The following KRIT1 variants were observed in gnomAD, a reference collection of about 807,000 sequenced individuals.
The protein encoded by KRIT1 is krev interaction trapped protein 1.
Under a neutral mutation model 95.8 loss-of-function variants are expected in KRIT1, and 45 were observed. That is an observed-to-expected ratio of 0.47 (90% confidence interval 0.37 to 0.60). The LOEUF (loss-of-function observed/expected upper bound fraction) is 0.60, where lower values mean the gene tolerates loss of function less well. Ranked by LOEUF, KRIT1 falls within the 20% of genes least tolerant of loss-of-function variation. KRIT1 has a pLI of 0.00. For missense variants in KRIT1, 788 were observed against 877.5 expected (o/e 0.90, Z 1.29); for synonymous variants, 282 against 278.8 (o/e 1.01, Z -0.11).
At chr7:92,205,827 A>C (rs1349011928) in intron 17 of KRIT1, 2 of 152,234 alleles carry the variant, frequency 1.3e-5, no homozygotes, top group African/African-American at 4.8e-5. Context: ...AAATGTGTTA[A>C]ATATGCCAAA....
chr7:92,222,030 T>C lies in KRIT1; in HGVS notation c.1435A>G (p.Lys479Glu). ...NLSLQLKPYH[K>E]PLQHVRDWPE... The stretch of plus-strand genomic sequence containing the variant: ...CAGTCACGAACATGTTGCAAGGGTT[T>C]ATGATATGGTTTGAGTTGAAGGCCT... The change falls in exon 14 of 19, where the codon AAA becomes GAA. Residue 479 changes from lysine to glutamate, a missense_variant. Lys to Glu is a moderately conservative substitution (Grantham distance 56). Coordinates refer to ENST00000394505, the MANE Select transcript of KRIT1 (RefSeq NM_194454.3). 4 of 1,613,792 alleles carry C rather than the reference T, an allele frequency of 2.5e-6. No homozygotes were observed. The highest frequency in any genetic ancestry group is 3.4e-6 in the Non-Finnish European group (4 of 1,179,702).
intron 5 of KRIT1, among the ~76,000 whole-genome samples, chr7:92,238,576 TAGATAC>T (rs1427775075): frequency 1.3e-5 from 2 of 152,234 alleles, no homozygotes; most frequent in Non-Finnish European, 2.9e-5. Context: ...ATATAAGTGC[TAGATAC>T]AGAACAACAT....
chr7:92,214,445 A>G (rs1420717624), intron 15 of KRIT1, among the ~76,000 whole-genome samples, 166 bp downstream of exon 15: 1 of 152,160 alleles, frequency 6.6e-6, no homozygotes, highest in Non-Finnish European at 1.5e-5. Context: ...GGAGAGTATA[A>G]CTTTAAGAAT....
chr7:92,214,468 T>C (rs572141583), intron 15 of KRIT1, 143 bp downstream of exon 15: 1 of 648,242 alleles, frequency 1.5e-6, no homozygotes, highest in African/African-American at 1.8e-5. Context: ...TTTAGTATAA[T>C]ATTTTTTCTC....
chr7:92,231,123 G>A (rs534395538), intron 10 of KRIT1, among the ~76,000 whole-genome samples: 11 of 152,266 alleles, frequency 7.2e-5, no homozygotes, highest in African/African-American at 2.4e-4. Context: ...TGGCATAGGG[G>A]TACGGGAAGA....
intron 17 of KRIT1, chr7:92,206,696 G>C (rs1326003421): frequency 6.6e-6 from 1 of 151,912 alleles, no homozygotes; most frequent in Non-Finnish European, 1.5e-5. Context: ...ACCTTCAAAG[G>C]AAAACAATAA....
rs1197108679 is a variant in KRIT1 at position 92,244,966 on chromosome 7, A to G, written c.-215T>C. Reference sequence around the variant, plus strand: ...CACTATGACTGATGAGGGGAGATGTACAACTGCCATTTAGTGTCCATGGAA... The same window carrying G: ...CACTATGACTGATGAGGGGAGATGTGCAACTGCCATTTAGTGTCCATGGAA... On this transcript the variant is annotated 5_prime_UTR_variant, in exon 2 of 19. Coordinates refer to ENST00000394505, the MANE Select transcript of KRIT1 (RefSeq NM_194454.3). 1.3e-5 allele frequency: 2 copies of G among 152,202 alleles called. No individual in the cohort carries two copies. The highest frequency in any genetic ancestry group is 2.9e-5 in the Non-Finnish European group (2 of 68,046). The allele number at this position is 152,202 out of a possible 1,614,324, so 9.4% of individuals were successfully genotyped here.
intron 14 of KRIT1, among the ~76,000 whole-genome samples, chr7:92,218,385 C>CTTTT (rs769129221): frequency 7.0e-6 from 1 of 142,556 alleles, no homozygotes; most frequent in African/African-American, 2.6e-5. Context: ...GCCTGGCCTA[C>CTTTT]TTTTTTTTTT....
At chr7:92,230,578 A>G (rs760584557) in intron 10 of KRIT1, among the ~76,000 whole-genome samples, 1 of 152,194 alleles carries the variant, frequency 6.6e-6, no homozygotes, top group African/African-American at 2.4e-5. Flanking sequence ...CTGGCTGTGA[A>G]AGGAAGGAAA....
intron 18 of KRIT1, among the ~76,000 whole-genome samples, 175 bp downstream of exon 18, chr7:92,201,131 TA>T (rs1346163964): frequency 6.6e-6 from 1 of 152,178 alleles, no homozygotes; most frequent in Non-Finnish European, 1.5e-5. Context: ...ACTATTCAGG[TA>T]AGTTTCTGAT....
chr7:92,242,750 A>G (rs981794073), intron 3 of KRIT1, among the ~76,000 whole-genome samples: 6 of 152,220 alleles, frequency 3.9e-5, no homozygotes, highest in Admixed American at 2.6e-4. Context: ...CAGTTGATAA[A>G]AGCTTTCTGA....
chr7:92,213,240 T>C lies in KRIT1; in HGVS notation c.1980A>G (p.Val660=), dbSNP rs11542682. The C allele has an allele frequency of 0.1, 164,232 of 1,612,268 alleles. 10,372 individuals are homozygous for C. The highest frequency in any genetic ancestry group is 0.35 in the East Asian group (15,513 of 44,802). The change falls in exon 17 of 19, where the codon GTA becomes GTG. Residue 660 remains valine, a synonymous_variant. Transcript: ENST00000394505. ...GATGAAGTCCTTTTATATTCACTCC[T>C]ACATACACAGGGATGACTTTATGAT... ...PSNHKVIPVY[V]GVNIKGLHLL... is the part of the protein sequence containing the mutation.
Position 92,242,034 on chromosome 7 carries a change from T to G in KRIT1, c.102A>C (p.Glu34Asp), listed in dbSNP as rs1799781432. ...NSREYRAKSY[E>D]ILLHEVPIEG... is the part of the protein sequence containing the mutation. ...ATAAATTATTATTAAATGTTCTTAC[T>G]TCATATGACTTAGCTCTGTATTCCC... Residue 34 changes from glutamate (E) to aspartate (D), a missense_variant and splice_region_variant, in exon 4 of 19, where the codon GAA becomes GAC. Physicochemically the swap from Glu to Asp is conservative, Grantham distance 45. Coordinates refer to ENST00000394505, the MANE Select transcript of KRIT1 (RefSeq NM_194454.3). 1 of 1,422,430 alleles carries G rather than the reference T, an allele frequency of 7.0e-7. No individual in the cohort carries two copies. Among genetic ancestry groups the G allele is most frequent in the Non-Finnish European group, 9.9e-7 (1 of 1,006,322 alleles). The allele number at this position is 1,422,430 out of a possible 1,614,324, so 88.1% of individuals were successfully genotyped here. A position where few individuals can be genotyped will look rare whatever the true frequency, so the allele number is the denominator to read the frequency against.
intron 10 of KRIT1, among the ~76,000 whole-genome samples, chr7:92,230,366 A>C (rs1244849164): frequency 1.3e-5 from 2 of 152,170 alleles, no homozygotes; most frequent in Non-Finnish European, 2.9e-5. Context: ...CAATGATAAG[A>C]TATCAATAAT....
intron 14 of KRIT1, 61 bp downstream of exon 14, chr7:92,221,841 C>T (rs540583324): frequency 1.4e-6 from 2 of 1,442,350 alleles, no homozygotes; most frequent in African/African-American, 1.4e-5. Flanking sequence ...CTAGTGCTTA[C>T]AATAGAAACT....
chr7:92,241,064 A>G lies in KRIT1; in HGVS notation c.191T>C (p.Ile64Thr). The G allele has an allele frequency of 6.2e-7, 1 of 1,611,584 alleles. No individual in the cohort carries two copies. Among genetic ancestry groups the G allele is most frequent in the Non-Finnish European group, 8.5e-7 (1 of 1,177,744 alleles). ...LETKLQGNSE[I>T]TQGILDYVVE... ...TACGTAATCCAATATGCCTTGTGTT[A>G]TTTCACTGTTGCCTTGAAGTTTCGT... The change falls in exon 5 of 19, where the codon ATA becomes ACA. Residue 64 changes from isoleucine to threonine, a missense_variant. Around this residue, in one of 3 missense-constraint regions of KRIT1, gnomAD observed 289 missense variants for 277.5 expected, o/e 1.04. Transcript: ENST00000394505.
chr7:92,210,143 T>A (rs1044127906), intron 17 of KRIT1, among the ~76,000 whole-genome samples: 30 of 152,100 alleles, frequency 2.0e-4, no homozygotes, highest in African/African-American at 7.2e-4. Context: ...TTCAATGCAA[T>A]CTTTATTGAA....
At chr7:92,227,920 G>C (rs1183822717) in intron 10 of KRIT1, among the ~76,000 whole-genome samples, 1 of 152,028 alleles carries the variant, frequency 6.6e-6, no homozygotes, top group Non-Finnish European at 1.5e-5. Context: ...GCTGAGGCAG[G>C]AGAATCACTT....
intron 14 of KRIT1, among the ~76,000 whole-genome samples, chr7:92,215,109 A>C (rs183546174): frequency 6.6e-6 from 1 of 151,616 alleles, no homozygotes; most frequent in Non-Finnish European, 1.5e-5. Flanking sequence ...GCTGATAGGA[A>C]ATAGTTATTT....
Sources: allele counts gnomAD v4.1 joint callset (sites outside exome capture counted in the v4.1 genomes callset), GRCh38; gene constraint gnomAD v4.1.1; regional missense constraint gnomAD v4.1.1; transcripts MANE v1.5; gene names NCBI Gene and HGNC (gene_info 2026-07-23, HGNC 2026-07-21).